RAB3GAP2: variants seen among roughly 807,000 people sequenced by gnomAD.
The protein encoded by RAB3GAP2 is rab3 GTPase-activating protein non-catalytic subunit.
RAB3GAP2 carries 87 observed loss-of-function variants against 185.3 expected under a neutral mutation model. That is an observed-to-expected ratio of 0.47 (90% confidence interval 0.39 to 0.56). The LOEUF (loss-of-function observed/expected upper bound fraction) is 0.56, where lower values mean the gene tolerates loss of function less well. Among genes scored for constraint, RAB3GAP2 ranks in the 20% least tolerant of loss-of-function variants. The pLI is 0.00. For missense variants in RAB3GAP2, 1,492 were observed against 1,638.2 expected (o/e 0.91, Z 1.54); for synonymous variants, 554 against 576.1 (o/e 0.96, Z 0.55).
chr1:220,189,812 CAG>C, intron 16 of RAB3GAP2, 45 bp from the exon 17 acceptor site: 1 of 1,347,992 alleles, frequency 7.4e-7, no homozygotes, highest in Non-Finnish European at 1.0e-6. Flanking sequence ...ATTTTTATAA[CAG>C]TGAAACATTA....
chr1:220,159,584 G>A (rs1164465757), intron 28 of RAB3GAP2, among the ~76,000 whole-genome samples, 163 bp from the exon 29 acceptor site: 1 of 152,182 alleles, frequency 6.6e-6, no homozygotes, highest in East Asian at 1.9e-4. Context: ...AACAGTAGAT[G>A]CAATTAAATT....
At chr1:220,151,964 T>A (rs1359922308) in intron 33 of RAB3GAP2, among the ~76,000 whole-genome samples, 200 bp from the exon 34 acceptor site, 1 of 152,228 alleles carries the variant, frequency 6.6e-6, no homozygotes, top group Non-Finnish European at 1.5e-5. Flanking sequence ...TAATTTTTTT[T>A]TCTCTCATCA....
In RAB3GAP2 at chr1:220,181,579, T is replaced by C. The variant is rs541029500; in HGVS notation, c.2310+678A>G. On this transcript the variant is annotated intron_variant, in intron 21 of 34. Transcript: ENST00000358951. ...ATATATATTCAAAGTCTGAAAATGT[T>C]TGGTAACAATTCCACATTGCTTTAT... 2.2e-4 allele frequency among the ~76,000 whole-genome samples: 33 copies of C among 152,272 alleles called. No individual in the cohort carries two copies. In the South Asian group the frequency reaches 2.7e-3, roughly 12 times the overall value.
chr1:220,184,057 TA>T lies in RAB3GAP2; in HGVS notation c.1976del (p.Leu659Ter). Reference sequence around the variant, plus strand: ...TCACATTATCAGAGAATGGTGTGTCTAAATGAAAATCAAGGGAATTTAATTG... The same window carrying T: ...TCACATTATCAGAGAATGGTGTGTCTAATGAAAATCAAGGGAATTTAATTG... ...VSQLNSLDFH[L>X]DTPFSDNDLA... On this transcript the variant is annotated frameshift_variant, in exon 19 of 35. Coordinates refer to ENST00000358951, the MANE Select transcript of RAB3GAP2 (RefSeq NM_012414.4). LOFTEE classifies it high-confidence loss of function. 1 of 1,585,634 alleles carries T rather than the reference TA, an allele frequency of 6.3e-7. No homozygotes were observed. The highest frequency in any genetic ancestry group is 1.1e-5 in the South Asian group (1 of 90,146).
At chr1:220,258,488 C>CATGA in intron 1 of RAB3GAP2, among the ~76,000 whole-genome samples, 1 of 152,304 alleles carries the variant, frequency 6.6e-6, no homozygotes, top group Non-Finnish European at 1.5e-5. Flanking sequence ...CAAAAAACCA[C>CATGA]ATGAATACCT....
At chr1:220,266,999 C>T in intron 1 of RAB3GAP2, 3 of 1,611,422 alleles carry the variant, frequency 1.9e-6, no homozygotes, top group Non-Finnish European at 1.7e-6. Context: ...ACCTTCTCAT[C>T]ATGCATCCGA....
intron 2 of RAB3GAP2, among the ~76,000 whole-genome samples, chr1:220,222,573 T>C (rs1659327449): frequency 6.6e-6 from 1 of 152,204 alleles, no homozygotes; most frequent in Admixed American, 6.5e-5. Context: ...AAACTATAAC[T>C]TCAATCTCAA....
At chr1:220,222,543 CAAAT>C (rs1659326936) in intron 2 of RAB3GAP2, among the ~76,000 whole-genome samples, 1 of 152,118 alleles carries the variant, frequency 6.6e-6, no homozygotes, top group African/African-American at 2.4e-5. Flanking sequence ...GGAATTCTCA[CAAAT>C]AAATTAATCA....
At chr1:220,237,341 C>G (rs1659612167) in intron 1 of RAB3GAP2, among the ~76,000 whole-genome samples, 1 of 152,188 alleles carries the variant, frequency 6.6e-6, no homozygotes, top group Admixed American at 6.5e-5. Flanking sequence ...CACCCAATCT[C>G]CAAAAAGCAA....
rs367552240 is a variant in RAB3GAP2, at chr1:220,249,403, TG to T, written c.116-16541del. ...TTTAGCAAAAAGACTGGCAGCATTT[TG>T]CCCCTGCCCTAGAGGTTGGTGGAAT... On this transcript the variant is annotated intron_variant, in intron 1 of 34. Coordinates refer to ENST00000358951, the MANE Select transcript of RAB3GAP2 (RefSeq NM_012414.4). 3.1e-3 allele frequency among the ~76,000 whole-genome samples: 465 copies of T among 152,338 alleles called. 2 individuals carry two copies. The highest frequency in any genetic ancestry group is 0.01 in the African/African-American group (431 of 41,582).
chr1:220,189,002 G>A (rs1437366489), intron 17 of RAB3GAP2, among the ~76,000 whole-genome samples: 1 of 151,926 alleles, frequency 6.6e-6, no homozygotes, highest in Non-Finnish European at 1.5e-5. Context: ...GGTTTCAAAG[G>A]AGCCACACAG....
intron 26 of RAB3GAP2, 66 bp from the exon 27 acceptor site, chr1:220,164,865 C>A: frequency 7.0e-7 from 1 of 1,435,388 alleles, no homozygotes. Context: ...TTACCATTAT[C>A]AATGGAGACT....
intron 21 of RAB3GAP2, among the ~76,000 whole-genome samples, chr1:220,181,016 T>C (rs1275186271): frequency 1.3e-5 from 2 of 152,104 alleles, no homozygotes; most frequent in Admixed American, 6.5e-5. Flanking sequence ...CCCTCAACGG[T>C]ACAGTTTTAA....
At chr1:220,235,107 T>A (rs1001494208) in intron 1 of RAB3GAP2, among the ~76,000 whole-genome samples, 1 of 152,180 alleles carries the variant, frequency 6.6e-6, no homozygotes, top group Non-Finnish European at 1.5e-5. Flanking sequence ...TTAGACTACA[T>A]GTACTCCTAC....
Position 220,152,354 on chromosome 1 carries a change from G to A in RAB3GAP2, c.3868-590C>T, listed in dbSNP as rs969792115. On this transcript the variant is annotated intron_variant, in intron 33 of 34. Coordinates refer to ENST00000358951, the MANE Select transcript of RAB3GAP2 (RefSeq NM_012414.4). The stretch of plus-strand genomic sequence containing the variant: ...GGCCTCCCAAAGTGCTAGGATTACA[G>A]GCGTGAGCCACCACGCCCAGCCCCT... Among the ~76,000 whole-genome samples the A allele has an allele frequency of 2.0e-5, 3 of 152,230 alleles. No homozygotes were observed. The East Asian group carries it at 5.8e-4, about 29-fold the overall frequency.
At chr1:220,179,766 AAT>A (rs1183185299) in intron 21 of RAB3GAP2, among the ~76,000 whole-genome samples, 1 of 152,240 alleles carries the variant, frequency 6.6e-6, no homozygotes, top group Non-Finnish European at 1.5e-5. Context: ...CTGAACAACC[AAT>A]GAGGCAAGGA....
chr1:220,224,743 A>G (rs1305271048), intron 2 of RAB3GAP2, among the ~76,000 whole-genome samples: 1 of 152,196 alleles, frequency 6.6e-6, no homozygotes, highest in East Asian at 1.9e-4. Flanking sequence ...TGTGAGAGCT[A>G]GAAAACAAAG....
rs889603117 is a variant in RAB3GAP2, at chr1:220,157,895, C to T, written c.3262-19G>A. 5.7e-6 allele frequency: 9 copies of T among 1,589,814 alleles called. No homozygotes were observed. The highest frequency in any genetic ancestry group is 2.7e-5 in the African/African-American group (2 of 74,422). On this transcript the variant is annotated intron_variant, in intron 29 of 34. Transcript: ENST00000358951. ...CCACATCCTGTTTTTTAAAAAGGAACGTAATTAGGCCCTGCAGGAAAACTG... is the reference window on the plus strand; with the variant it reads ...CCACATCCTGTTTTTTAAAAAGGAATGTAATTAGGCCCTGCAGGAAAACTG...
intron 2 of RAB3GAP2, among the ~76,000 whole-genome samples, chr1:220,219,848 G>A (rs1332583128): frequency 6.6e-6 from 1 of 152,154 alleles, no homozygotes; most frequent in African/African-American, 2.4e-5. Flanking sequence ...GAAAGCTCAG[G>A]CAAGAAATAG....
Sources: gnomAD v4.1 joint callset for allele counts (sites outside exome capture counted in the v4.1 genomes callset) on GRCh38, gnomAD v4.1.1 for gene constraint, MANE v1.5 for transcripts, NCBI Gene and HGNC (gene_info 2026-07-23, HGNC 2026-07-21) for gene names.